Variants in OLFML2B observed in about 807,000 individuals in gnomAD.
OLFML2B encodes the protein olfactomedin-like protein 2B.
Under a neutral mutation model 74.9 loss-of-function variants are expected in OLFML2B, and 57 were observed. The ratio of observed to expected loss-of-function variants is 0.76; its 90% CI spans 0.61 to 0.95. OLFML2B has a LOEUF of 0.95. Ranked by LOEUF, OLFML2B falls within the 40% of genes least tolerant of loss-of-function variation. The pLI, the probability that OLFML2B is intolerant of heterozygous loss-of-function variation, is 0.00. For missense variants in OLFML2B, 986 were observed against 970.6 expected (o/e 1.02, Z -0.21); for synonymous variants, 388 against 405.8 (o/e 0.96, Z 0.53).
intron 3 of OLFML2B, among the ~76,000 whole-genome samples, chr1:162,014,357 T>C (rs1280662370): frequency 1.3e-5 from 2 of 152,204 alleles, no homozygotes; most frequent in African/African-American, 2.4e-5. Flanking sequence ...TTCCTTCCTC[T>C]TTCATCTGCA....
At chr1:162,002,619 T>C (rs541611577) in intron 4 of OLFML2B, among the ~76,000 whole-genome samples, 1 of 152,342 alleles carries the variant, frequency 6.6e-6, no homozygotes, top group Non-Finnish European at 1.5e-5. Context: ...TGTGCCTGTT[T>C]TCTCATGACA....
intron 4 of OLFML2B, among the ~76,000 whole-genome samples, chr1:162,001,349 T>G (rs1316114852): frequency 6.6e-6 from 1 of 152,024 alleles, no homozygotes; most frequent in African/African-American, 2.4e-5. Flanking sequence ...TAGGAAGAAG[T>G]TGATGGGATG....
intron 2 of OLFML2B, 40 bp downstream of exon 2, chr1:162,019,879 T>C (rs759140347): frequency 3.7e-6 from 6 of 1,601,496 alleles, no homozygotes; most frequent in Non-Finnish European, 4.3e-6. Context: ...ATCTCAAAAG[T>C]GCCCTCTCGT....
At position 161,984,261 on chromosome 1, in the gene OLFML2B, G is replaced by A; in HGVS notation, c.1667C>T (p.Ser556Phe). 1.3e-6 allele frequency: 2 copies of A among 1,519,716 alleles called. No homozygotes were observed. Among genetic ancestry groups the A allele is most frequent in the Non-Finnish European group, 1.8e-6 (2 of 1,134,858 alleles). The allele number at this position is 1,519,716 out of a possible 1,614,324, so 94.1% of individuals were successfully genotyped here. A position where few individuals can be genotyped will look rare whatever the true frequency, so the allele number is the denominator to read the frequency against. ...GATCCAGCTGTACGGGAGCTTGTAG[G>A]AATTGCTCCAGCGACCTGCAGGTGG... ...ENFKQGRWSN[S>F]YKLPYSWIGT... The change falls in exon 8 of 8, where the codon TCC becomes TTC. Residue 556 changes from serine (S) to phenylalanine (F), a missense_variant. Physicochemically the swap from Ser to Phe is radical, Grantham distance 155. Transcript: ENST00000294794.
At chr1:162,021,098 C>A (rs556355083) in intron 1 of OLFML2B, among the ~76,000 whole-genome samples, 3 of 152,252 alleles carry the variant, frequency 2.0e-5, no homozygotes, top group African/African-American at 4.8e-5. Context: ...GAGCTAAGAG[C>A]GGCTCCAACT....
At chr1:162,010,877 C>T (rs1471050238) in intron 3 of OLFML2B, among the ~76,000 whole-genome samples, 2 of 152,092 alleles carry the variant, frequency 1.3e-5, no homozygotes, top group Non-Finnish European at 2.9e-5. Flanking sequence ...AATGATGACA[C>T]CTACCTCACC....
chr1:162,015,255 C>T (rs910612650), intron 3 of OLFML2B, among the ~76,000 whole-genome samples: 17 of 152,136 alleles, frequency 1.1e-4, no homozygotes, highest in Admixed American at 3.3e-4. Context: ...ACTGTATAGA[C>T]GATACCACCC....
At chr1:161,999,518 A>G (rs1690022139) in intron 5 of OLFML2B, among the ~76,000 whole-genome samples, 1 of 152,146 alleles carries the variant, frequency 6.6e-6, no homozygotes, top group Non-Finnish European at 1.5e-5. Flanking sequence ...ACTCGCTCAG[A>G]CATACTGGGG....
chr1:161,983,967 G>T lies in OLFML2B; in HGVS notation c.1961C>A (p.Ala654Glu). The T allele has an allele frequency of 6.2e-7, 1 of 1,614,202 alleles. No individual in the cohort carries two copies. The highest frequency in any genetic ancestry group is 8.5e-7 in the Non-Finnish European group (1 of 1,180,032). ...GGTCTCCTTCTGTGTGCTCAGGTCC[G>T]CGGCATTGAGCTTGCTCAGGACAAT... ...EVIVLSKLNA[A>E]DLSTQKETTW... The change falls in exon 8 of 8, where the codon GCG becomes GAG. Residue 654 changes from alanine (A) to glutamate (E), a missense_variant. Physicochemically the swap from Ala to Glu is moderately radical, Grantham distance 107. Coordinates refer to ENST00000294794, the MANE Select transcript of OLFML2B (RefSeq NM_015441.3).
At chr1:161,998,542 G>A (rs1224326330) in intron 5 of OLFML2B, among the ~76,000 whole-genome samples, 193 bp from the exon 6 acceptor site, 2 of 152,186 alleles carry the variant, frequency 1.3e-5, no homozygotes, top group African/African-American at 4.8e-5. Flanking sequence ...TGAATTTCCA[G>A]GGGGTTTCTC....
Position 162,017,508 on chromosome 1 carries a change from C to T in OLFML2B, c.439-1G>A, listed in dbSNP as rs1183437905. 3.7e-6 allele frequency: 6 copies of T among 1,608,604 alleles called. No homozygotes were observed. Among genetic ancestry groups the T allele is most frequent in the Non-Finnish European group, 5.1e-6 (6 of 1,177,632 alleles). ...CCAACATGTCTATGATTGTGGAGAG[C>T]TATGAAACAAGGCAAGGGGTTAGTC... On this transcript the variant is annotated splice_acceptor_variant, in intron 2 of 7. Transcript: ENST00000294794. LOFTEE classifies it high-confidence loss of function.
Position 161,983,582 on chromosome 1 carries a change from C to T in OLFML2B, c.*93G>A, listed in dbSNP as rs1689486292. On this transcript the variant is annotated 3_prime_UTR_variant, in exon 8 of 8. Coordinates refer to ENST00000294794, the MANE Select transcript of OLFML2B (RefSeq NM_015441.3). ...ATACAAAATAATATATATTTTTAAA[C>T]AACACATACCCACCTACACACACGT... 13 of 1,351,212 alleles carry T rather than the reference C, an allele frequency of 9.6e-6. No individual in the cohort carries two copies. Among genetic ancestry groups the T allele is most frequent in the Non-Finnish European group, 1.3e-5 (13 of 988,114 alleles). 83.7% of individuals were successfully genotyped at this position (1,351,212 alleles called of 1,614,324 possible). A position where few individuals can be genotyped will look rare whatever the true frequency, so the allele number is the denominator to read the frequency against.
rs189606182 is a variant in OLFML2B, at chr1:161,998,464, T to C, written c.950-115A>G. 37 of 1,178,334 alleles carry C rather than the reference T, an allele frequency of 3.1e-5. No homozygotes were observed. In the East Asian group the frequency reaches 8.2e-4, roughly 26 times the overall value. The allele number at this position is 1,178,334 out of a possible 1,614,324, so 73.0% of individuals were successfully genotyped here. On this transcript the variant is annotated intron_variant, in intron 5 of 7. Transcript: ENST00000294794. Reference sequence around the variant, plus strand: ...GGGTGCCTTTCCTTAACACGACGGCTTGAGTTACAGAGGGGGCCTGGCTGG... The same window carrying C: ...GGGTGCCTTTCCTTAACACGACGGCCTGAGTTACAGAGGGGGCCTGGCTGG...
intron 1 of OLFML2B, among the ~76,000 whole-genome samples, chr1:162,021,903 G>A (rs1190128933): frequency 6.6e-6 from 1 of 152,166 alleles, no homozygotes; most frequent in African/African-American, 2.4e-5. Context: ...TTAGGGGTCA[G>A]TGGGAGGTAA....
intron 2 of OLFML2B, 142 bp from the exon 3 acceptor site, chr1:162,017,649 G>T (rs1420549170): frequency 6.6e-6 from 4 of 605,112 alleles, no homozygotes; most frequent in Non-Finnish European, 1.2e-5. Flanking sequence ...ACACATTTGT[G>T]TAGACAGGGA....
intron 4 of OLFML2B, among the ~76,000 whole-genome samples, chr1:162,006,090 A>G (rs1363072858): frequency 2.0e-5 from 3 of 152,010 alleles, no homozygotes; most frequent in Non-Finnish European, 4.4e-5. Flanking sequence ...TGGCTTCAAC[A>G]CTCACTGATC....
At chr1:162,009,266 G>A (rs929746560) in intron 3 of OLFML2B, among the ~76,000 whole-genome samples, 1 of 152,252 alleles carries the variant, frequency 6.6e-6, no homozygotes, top group Non-Finnish European at 1.5e-5. Flanking sequence ...TCTCTGAGGA[G>A]CGGACTGAGG....
chr1:161,994,470 CTT>C (rs925988649), intron 6 of OLFML2B, among the ~76,000 whole-genome samples: 100 of 152,368 alleles, frequency 6.6e-4, no homozygotes, highest in African/African-American at 2.3e-3. Context: ...TGACTGTCCT[CTT>C]TGTCTGCTCC....
chr1:162,017,476 G>A lies in OLFML2B; in HGVS notation c.470C>T (p.Ala157Val), dbSNP rs751215866. The A allele has an allele frequency of 6.2e-6, 10 of 1,612,896 alleles. No individual in the cohort carries two copies. In the Admixed American group the frequency reaches 6.7e-5, roughly 11 times the overall value. ...CTTCAGGAGATCCAGGCCATAGAAC[G>A]CTCCTTCCAACATGTCTATGATTGT... ...LSTIIDMLEG[A>V]FYGLDLLKLH... Residue 157 changes from alanine to valine, a missense_variant, in exon 3 of 8, where the codon GCG becomes GTG. Transcript: ENST00000294794.
Sources: allele counts gnomAD v4.1 joint callset (sites outside exome capture counted in the v4.1 genomes callset), GRCh38; gene constraint gnomAD v4.1.1; transcripts MANE v1.5; gene names NCBI Gene and HGNC (gene_info 2026-07-23, HGNC 2026-07-21).